Variants in TNPO1 observed in about 807,000 individuals in gnomAD.
The protein encoded by TNPO1 is transportin 1, also known as transportin-1.
TNPO1 carries 8 observed loss-of-function variants against 119.5 expected under a neutral mutation model. The ratio of observed to expected loss-of-function variants is 0.07; its 90% CI spans 0.04 to 0.12. The LOEUF is 0.12. TNPO1 is among the 10% of genes least tolerant of loss of function. The probability of loss-of-function intolerance (pLI) is 1.00; values close to 1 mark genes in which losing one functional copy is unlikely to be tolerated. For missense variants in TNPO1, 576 were observed against 1,089.8 expected, an observed-to-expected ratio of 0.53 and a Z score of 6.64; for synonymous variants, 362 against 363.0, an observed-to-expected ratio of 1.00 and a Z score of 0.03.
chr5:72,889,224 A>G (rs1748876574), intron 13 of TNPO1, among the ~76,000 whole-genome samples: 1 of 151,894 alleles, frequency 6.6e-6, no homozygotes, highest in African/African-American at 2.4e-5. Context: ...TGCCCAGCTA[A>G]TTTTTGTATT....
intron 1 of TNPO1, among the ~76,000 whole-genome samples, chr5:72,830,889 T>C (rs1317819220): frequency 6.6e-6 from 1 of 152,162 alleles, no homozygotes; most frequent in African/African-American, 2.4e-5. Flanking sequence ...GTAATTAGAC[T>C]CTTAGGTCTA....
At chr5:72,817,265 C>T (rs1279277841) in intron 1 of TNPO1, among the ~76,000 whole-genome samples, 1 of 152,210 alleles carries the variant, frequency 6.6e-6, no homozygotes, top group Non-Finnish European at 1.5e-5. Flanking sequence ...GCTTGCCGTT[C>T]TCTTCCTCCC....
chr5:72,819,898 A>G (rs753722089), intron 1 of TNPO1, among the ~76,000 whole-genome samples: 1 of 152,226 alleles, frequency 6.6e-6, no homozygotes, highest in Non-Finnish European at 1.5e-5. Context: ...CCTGACATGT[A>G]TTAACTTTTC....
intron 1 of TNPO1, among the ~76,000 whole-genome samples, chr5:72,829,405 C>G (rs1400584879): frequency 1.3e-5 from 2 of 152,178 alleles, no homozygotes; most frequent in Non-Finnish European, 2.9e-5. Flanking sequence ...CAAGAAGTCA[C>G]CTAAGGCTGG....
chr5:72,900,902 A>C, intron 21 of TNPO1, 72 bp from the exon 22 acceptor site: 1 of 1,003,184 alleles, frequency 1.0e-6, no homozygotes, highest in Non-Finnish European at 1.5e-6. Flanking sequence ...ATTCCATTAA[A>C]TACTGTCCAT....
chr5:72,858,633 C>G (rs964989028), intron 4 of TNPO1, among the ~76,000 whole-genome samples: 1 of 152,094 alleles, frequency 6.6e-6, no homozygotes, highest in African/African-American at 2.4e-5. Context: ...GTCAGGAGAT[C>G]GAAACCATCC....
Position 72,855,767 on chromosome 5 carries a change from A to G in TNPO1, c.206-7A>G, listed in dbSNP as rs569700487. Reference sequence around the variant, plus strand: ...CAAAACTCATTACTATTACTATTTTATTACAGATGAACCCACAAGATCATT... The same window carrying G: ...CAAAACTCATTACTATTACTATTTTGTTACAGATGAACCCACAAGATCATT... On this transcript the variant is annotated splice_polypyrimidine_tract_variant and splice_region_variant and intron_variant, in intron 3 of 24. Coordinates refer to ENST00000337273, the MANE Select transcript of TNPO1 (RefSeq NM_002270.4). 2.5e-6 allele frequency: 4 copies of G among 1,591,086 alleles called. No individual in the cohort carries two copies. The highest frequency in any genetic ancestry group is 2.2e-5 in the East Asian group (1 of 44,528).
intron 3 of TNPO1, 148 bp from the exon 4 acceptor site, chr5:72,855,626 C>T (rs1407592602): frequency 2.8e-5 from 19 of 672,876 alleles, no homozygotes; most frequent in Non-Finnish European, 4.5e-5. Context: ...TAGAGCTAAT[C>T]TTTTGTTAAT....
chr5:72,829,261 A>G (rs1744340572), intron 1 of TNPO1, among the ~76,000 whole-genome samples: 1 of 152,222 alleles, frequency 6.6e-6, no homozygotes, highest in East Asian at 1.9e-4. Flanking sequence ...TCAGTGATGA[A>G]CACAGTTTTC....
At chr5:72,854,185 A>G (rs896157293) in intron 3 of TNPO1, among the ~76,000 whole-genome samples, 1 of 152,228 alleles carries the variant, frequency 6.6e-6, no homozygotes, top group Non-Finnish European at 1.5e-5. Context: ...ATTTCATGGC[A>G]GTTTTTAACT....
intron 1 of TNPO1, among the ~76,000 whole-genome samples, chr5:72,823,193 A>T (rs890258817): frequency 2.0e-5 from 3 of 152,070 alleles, no homozygotes; most frequent in Admixed American, 6.6e-5. Flanking sequence ...AGAGGTGGGA[A>T]AGATATCTGT....
chr5:72,851,827 A>C (rs1200668630), intron 3 of TNPO1, among the ~76,000 whole-genome samples: 1 of 152,210 alleles, frequency 6.6e-6, no homozygotes, highest in Non-Finnish European at 1.5e-5. Context: ...TTGTATAATA[A>C]GTTACTTAAT....
At chr5:72,899,610 TATTAA>T (rs1749675656) in intron 20 of TNPO1, among the ~76,000 whole-genome samples, 1 of 152,160 alleles carries the variant, frequency 6.6e-6, no homozygotes, top group Admixed American at 6.5e-5. Context: ...TAGATTTTAT[TATTAA>T]ATTCTGAAAT....
At chr5:72,855,270 C>G (rs1047024747) in intron 3 of TNPO1, among the ~76,000 whole-genome samples, 4 of 144,182 alleles carry the variant, frequency 2.8e-5, no homozygotes, top group Non-Finnish European at 4.6e-5. Context: ...CCACGCCCAG[C>G]CTTAAAAAAA....
In TNPO1 at chr5:72,865,835, T is replaced by G. The variant is rs1006668025; in HGVS notation, c.596+106T>G. ...GACATTAGCAAAAGATCAAAAGATA[T>G]TGGATGTTCCAGAGAGGTGAACTTA... On this transcript the variant is annotated intron_variant, in intron 6 of 24. Transcript: ENST00000337273. 9.9e-6 allele frequency: 12 copies of G among 1,217,046 alleles called. No individual in the cohort carries two copies. The African/African-American group carries it at 1.4e-4, about 14-fold the overall frequency. The allele number at this position is 1,217,046 out of a possible 1,614,324, so 75.4% of individuals were successfully genotyped here.
chr5:72,822,438 A>G (rs1267098622), intron 1 of TNPO1, among the ~76,000 whole-genome samples: 1 of 152,070 alleles, frequency 6.6e-6, no homozygotes, highest in Non-Finnish European at 1.5e-5. Flanking sequence ...AAGTAAAAAT[A>G]TCTTTGACCC....
At chr5:72,826,247 A>C (rs1161311106) in intron 1 of TNPO1, among the ~76,000 whole-genome samples, 1 of 152,098 alleles carries the variant, frequency 6.6e-6, no homozygotes, top group African/African-American at 2.4e-5. Flanking sequence ...CATAGCACAT[A>C]CAACCTTCTA....
chr5:72,904,276 A>C (rs1329729547), intron 23 of TNPO1, among the ~76,000 whole-genome samples: 1 of 152,238 alleles, frequency 6.6e-6, no homozygotes, highest in East Asian at 1.9e-4. Context: ...GTGAACTCAA[A>C]GCTTGTGTAT....
At chr5:72,866,719 A>G (rs1746934243) in intron 6 of TNPO1, among the ~76,000 whole-genome samples, 1 of 152,152 alleles carries the variant, frequency 6.6e-6, no homozygotes. Flanking sequence ...GTACCACTGC[A>G]CTCCAGCCTG....
Sources: gnomAD v4.1 joint callset for allele counts (sites outside exome capture counted in the v4.1 genomes callset) on GRCh38, gnomAD v4.1.1 for gene constraint, MANE v1.5 for transcripts, NCBI Gene and HGNC (gene_info 2026-07-23, HGNC 2026-07-21) for gene names.